The following MPHOSPH9 variants were observed in gnomAD, a reference collection of about 807,000 sequenced individuals.
The protein encoded by MPHOSPH9 is M-phase phosphoprotein 9.
MPHOSPH9 carries 88 observed loss-of-function variants against 145.5 expected under a neutral mutation model. The observed-to-expected ratio is 0.60, with a 90% CI of 0.51 to 0.72. The LOEUF (loss-of-function observed/expected upper bound fraction) is 0.72. Ranked by LOEUF, MPHOSPH9 falls within the 30% of genes least tolerant of loss-of-function variation. The pLI, the probability that MPHOSPH9 is intolerant of heterozygous loss-of-function variation, is 0.00. For missense variants in MPHOSPH9, 1,238 were observed against 1,386.6 expected (o/e 0.89, Z 1.70); for synonymous variants, 435 against 486.2 (o/e 0.89, Z 1.39).
Position 123,221,659 on chromosome 12 carries a change from T to A in MPHOSPH9, c.585A>T (p.Val195=). Residue 195 remains valine (V), a synonymous_variant, in exon 5 of 24, where the codon GTA becomes GTT. Transcript: ENST00000606320. The stretch of plus-strand genomic sequence containing the variant: ...TACAAAAGGTGCCATATCCACTGCT[T>A]ACTGAGCAACTATCCACATTGCAGT... The part of the protein sequence containing the change: ...QPDCNVDSCS[V]SSGYGTFCIS... The A allele has an allele frequency of 6.2e-7, 1 of 1,614,184 alleles. No individual in the cohort carries two copies. Among genetic ancestry groups the A allele is most frequent in the Non-Finnish European group, 8.5e-7 (1 of 1,180,028 alleles).
intron 13 of MPHOSPH9, among the ~76,000 whole-genome samples, chr12:123,188,920 T>C (rs759873444): frequency 3.9e-5 from 6 of 152,056 alleles, no homozygotes; most frequent in Non-Finnish European, 8.8e-5. Context: ...CCTATAGTCC[T>C]AGCTACTCAG....
intron 21 of MPHOSPH9, 93 bp from the exon 22 acceptor site, chr12:123,161,476 G>C: frequency 3.6e-6 from 5 of 1,373,480 alleles, no homozygotes; most frequent in Non-Finnish European, 5.0e-6. Flanking sequence ...TCACTTTCTG[G>C]ATATAGCTGC....
At chr12:123,174,859 C>T (rs1469817575) in intron 16 of MPHOSPH9, among the ~76,000 whole-genome samples, 1 of 152,132 alleles carries the variant, frequency 6.6e-6, no homozygotes, top group Non-Finnish European at 1.5e-5. Context: ...GAGAGAGAAA[C>T]CAAGGAATTA....
intron 14 of MPHOSPH9, 32 bp downstream of exon 14, chr12:123,181,131 T>G: frequency 1.9e-6 from 3 of 1,579,874 alleles, no homozygotes; most frequent in Non-Finnish European, 2.6e-6. Context: ...TGCCTCTGCA[T>G]GAAATCTAGA....
intron 15 of MPHOSPH9, among the ~76,000 whole-genome samples, chr12:123,178,803 C>T (rs192324270): frequency 6.6e-6 from 1 of 152,272 alleles, no homozygotes; most frequent in African/African-American, 2.4e-5. Context: ...AGATTATAGG[C>T]GTGAGCCACT....
At chr12:123,165,603 C>A in intron 17 of MPHOSPH9, 126 bp from the exon 18 acceptor site, 1 of 845,306 alleles carries the variant, frequency 1.2e-6, no homozygotes, top group Non-Finnish European at 1.8e-6. Context: ...GAGGTGGGGT[C>A]TTTACGAGGT....
intron 23 of MPHOSPH9, among the ~76,000 whole-genome samples, chr12:123,158,022 C>T (rs2043946201): frequency 6.6e-6 from 1 of 151,778 alleles, no homozygotes; most frequent in Non-Finnish European, 1.5e-5. Context: ...CGGAGTCTCG[C>T]TCTGTTGCCC....
At chr12:123,202,049 T>A in intron 11 of MPHOSPH9, 115 bp downstream of exon 11, 1 of 1,130,502 alleles carries the variant, frequency 8.8e-7, no homozygotes. Flanking sequence ...TAGGCAAACA[T>A]GACTGTTAAA....
Position 123,156,857 on chromosome 12 carries a change from G to A in MPHOSPH9, c.3502C>T (p.Arg1168Cys), listed in dbSNP as rs778175633. Reference sequence around the variant, plus strand: ...ACATGGAATTTCTTTAGCGTCATGCGAACTGAACCCAGTTCTCGATTAATC... The same window carrying A: ...ACATGGAATTTCTTTAGCGTCATGCAAACTGAACCCAGTTCTCGATTAATC... ...ERINRELGSV[R>C]MTLKKFHVLR... Residue 1168 changes from arginine to cysteine, a missense_variant, in exon 24 of 24, where the codon CGC (arginine) becomes TGC (cysteine). This residue lies in a region of MPHOSPH9 where 393 missense variants were observed against 462.5 expected (regional missense o/e 0.85). Coordinates refer to ENST00000606320, the MANE Select transcript of MPHOSPH9 (RefSeq NM_022782.4). 6.2e-6 allele frequency: 10 copies of A among 1,612,174 alleles called. No homozygotes were observed. The highest frequency in any genetic ancestry group is 5.5e-5 in the South Asian group (5 of 90,928).
At chr12:123,169,825 A>C (rs1215504740) in intron 16 of MPHOSPH9, among the ~76,000 whole-genome samples, 1 of 151,784 alleles carries the variant, frequency 6.6e-6, no homozygotes, top group Admixed American at 6.6e-5. Flanking sequence ...CCTAACCTTA[A>C]GTGATCTGCC....
intron 12 of MPHOSPH9, among the ~76,000 whole-genome samples, chr12:123,197,900 G>A (rs1407127821): frequency 2.0e-5 from 3 of 151,358 alleles, no homozygotes; most frequent in Admixed American, 6.6e-5. Flanking sequence ...TGGCTAACAC[G>A]GTGAAACCCC....
upstream of MPHOSPH9, among the ~76,000 whole-genome samples, chr12:123,234,229 A>G (rs970752038): frequency 6.6e-6 from 1 of 152,158 alleles, no homozygotes; most frequent in African/African-American, 2.4e-5. Flanking sequence ...ATTTACCTCC[A>G]GGAGTTCTGG....
downstream of MPHOSPH9, chr12:123,154,186 C>T (rs543814823): frequency 6.6e-6 from 1 of 150,402 alleles, no homozygotes; most frequent in Non-Finnish European, 1.5e-5. Context: ...TTAAAAGGCA[C>T]TTCCCAGAGG....
chr12:123,243,154 C>A lies in MPHOSPH9; in HGVS notation c.-159+699G>T, dbSNP rs558698787. On this transcript the variant is annotated intron_variant, in intron 1 of 2. Coordinates refer to the MPHOSPH9 transcript ENST00000545406. Reference sequence around the variant, plus strand: ...TTAAACAAAACCAGTTTTTAAAGCACCACTTTCCTTGGCACACTCCATTTC... The same window carrying A: ...TTAAACAAAACCAGTTTTTAAAGCAACACTTTCCTTGGCACACTCCATTTC... Among the ~76,000 whole-genome samples, 7 of 152,264 alleles carry A rather than the reference C, an allele frequency of 4.6e-5. No individual in the cohort carries two copies. In the East Asian group the frequency reaches 1.3e-3, roughly 29 times the overall value.
chr12:123,161,187 G>C lies in MPHOSPH9; in HGVS notation c.3330C>G (p.Thr1110=). The change falls in exon 22 of 24, where the codon ACC becomes ACG. Residue 1110 remains threonine (T), a synonymous_variant. Transcript: ENST00000606320. ...NDFEYTAKIR[T]LAETERFFDE... is the part of the protein sequence containing the mutation. ...CAAAAAATCGTTCTGTTTCAGCTAG[G>C]GTCCGAATTTTTGCTGTATATTCAA... 6.2e-7 allele frequency: 1 copy of C among 1,614,018 alleles called. No individual in the cohort carries two copies. The highest frequency in any genetic ancestry group is 8.5e-7 in the Non-Finnish European group (1 of 1,179,996).
At chr12:123,204,839 T>C (rs2695479) in intron 8 of MPHOSPH9, among the ~76,000 whole-genome samples, 127,171 of 152,162 alleles carry the variant, frequency 0.84, 53,450 homozygotes, top group East Asian at 1. Flanking sequence ...CATGCCACTG[T>C]ACTCCTTCAC....
Position 123,202,709 on chromosome 12 carries a change from T to G in MPHOSPH9, c.1696A>C (p.Ser566Arg). ...GCTGTACCTGGAAGCTGGGACTGAC[T>G]GACTGAGGCCGAAGCAACCATGACA... ...NTVMVASASV[S>R]QSQLPGTANS... is the part of the protein sequence containing the mutation. The change falls in exon 10 of 24, where the codon AGT becomes CGT. Residue 566 changes from serine to arginine, a missense_variant. Ser to Arg is a moderately radical substitution (Grantham distance 110). Around this residue, in one of 3 missense-constraint regions of MPHOSPH9, gnomAD observed 837 missense variants for 897.5 expected, o/e 0.93. Transcript: ENST00000606320. 2.5e-6 allele frequency: 4 copies of G among 1,614,208 alleles called. No individual in the cohort carries two copies. Among genetic ancestry groups the G allele is most frequent in the Non-Finnish European group, 3.4e-6 (4 of 1,180,042 alleles).
At chr12:123,176,156 A>T (rs1202091065) in intron 16 of MPHOSPH9, among the ~76,000 whole-genome samples, 1 of 152,128 alleles carries the variant, frequency 6.6e-6, no homozygotes, top group African/African-American at 2.4e-5. Context: ...TTTACACCCA[A>T]ATCATAATAA....
At position 123,210,168 on chromosome 12, in the gene MPHOSPH9, G is replaced by A. The variant is rs1434562958; in HGVS notation, c.1088-6C>T. The A allele has an allele frequency of 2.6e-6, 4 of 1,559,746 alleles. No individual in the cohort carries two copies. Among genetic ancestry groups the A allele is most frequent in the Non-Finnish European group, 3.5e-6 (4 of 1,143,186 alleles). On this transcript the variant is annotated splice_region_variant and splice_polypyrimidine_tract_variant and intron_variant, in intron 7 of 23. Transcript: ENST00000606320. ...TAGTTTCCAGTAAGTCAATCCTGATGTGCACAAACACACAGAATAGAAAAG... is the reference window on the plus strand; with the variant it reads ...TAGTTTCCAGTAAGTCAATCCTGATATGCACAAACACACAGAATAGAAAAG...
Sources: allele counts gnomAD v4.1 joint callset (sites outside exome capture counted in the v4.1 genomes callset), GRCh38; gene constraint gnomAD v4.1.1; regional missense constraint gnomAD v4.1.1; transcripts MANE v1.5; gene names NCBI Gene and HGNC (gene_info 2026-07-23, HGNC 2026-07-21).